Variants in TAF3 observed in about 807,000 individuals in gnomAD.
The protein encoded by TAF3 is transcription initiation factor TFIID subunit 3.
A neutral mutation model predicts 80.6 loss-of-function variants in TAF3; 7 were observed. The ratio of observed to expected loss-of-function variants is 0.09; its 90% CI spans 0.05 to 0.16. The LOEUF (loss-of-function observed/expected upper bound fraction) is 0.16, where lower values mean the gene tolerates loss of function less well. Ranked by LOEUF, TAF3 falls within the 10% of genes least tolerant of loss-of-function variation. The pLI, the probability that TAF3 is intolerant of heterozygous loss-of-function variation, is 1.00. For synonymous variants in TAF3, 444 were observed against 446.1 expected (o/e 1.00, Z 0.06); for missense variants, 921 against 1,140.2 (o/e 0.81, Z 2.77).
intron 2 of TAF3, among the ~76,000 whole-genome samples, chr10:7,893,708 G>A (rs1837479577): frequency 6.6e-6 from 1 of 152,024 alleles, no homozygotes; most frequent in African/African-American, 2.4e-5. Flanking sequence ...GCCTATCTGT[G>A]TATGCTCACC....
intron 2 of TAF3, among the ~76,000 whole-genome samples, chr10:7,879,637 C>T (rs982741340): frequency 3.9e-5 from 6 of 151,998 alleles, no homozygotes; most frequent in African/African-American, 1.2e-4. Context: ...ATAGAAATGA[C>T]GGGAGATGGT....
chr10:7,909,840 G>A (rs932549287), intron 2 of TAF3, among the ~76,000 whole-genome samples: 1 of 152,268 alleles, frequency 6.6e-6, no homozygotes, highest in Non-Finnish European at 1.5e-5. Context: ...CTACTCGCTG[G>A]TAGTGATGGT....
chr10:7,926,691 A>G (rs1057397395), intron 2 of TAF3, among the ~76,000 whole-genome samples: 3 of 152,154 alleles, frequency 2.0e-5, no homozygotes, highest in African/African-American at 7.2e-5. Flanking sequence ...AAATTTATCC[A>G]CTAATATGGT....
intron 4 of TAF3, among the ~76,000 whole-genome samples, chr10:7,989,347 A>G (rs1459007832): frequency 3.3e-5 from 5 of 152,238 alleles, no homozygotes. Flanking sequence ...TGCTGTGTAG[A>G]GACAGGCAAA....
chr10:7,972,398 G>C (rs1280845422), intron 3 of TAF3, among the ~76,000 whole-genome samples: 1 of 152,090 alleles, frequency 6.6e-6, no homozygotes, highest in Admixed American at 6.6e-5. Context: ...AATTTAACTT[G>C]TTTTTAGGAA....
intron 2 of TAF3, among the ~76,000 whole-genome samples, chr10:7,881,407 C>T (rs144775480): frequency 1.4e-4 from 21 of 151,922 alleles, no homozygotes; most frequent in East Asian, 9.7e-4. Flanking sequence ...CAGCAGTATA[C>T]GAAAACTTCA....
chr10:7,933,730 AAGGGGC>A (rs1837890752), intron 2 of TAF3, among the ~76,000 whole-genome samples: 1 of 152,206 alleles, frequency 6.6e-6, no homozygotes, highest in Admixed American at 6.5e-5. Context: ...TCAATTCTCA[AAGGGGC>A]AGGGAACAAA....
rs539455282 is a variant in TAF3, at chr10:8,004,313, G to A, written c.2316-4765G>A. Among the ~76,000 whole-genome samples the A allele has an allele frequency of 3.8e-3, 573 of 152,234 alleles. 2 individuals are homozygous for A. The highest frequency in any genetic ancestry group is 0.013 in the African/African-American group (539 of 41,540). Reference sequence around the variant, plus strand: ...TCCACCCACCTCGGCCTCCCAAAGTGCTGGGATTACGGGCATGAGCCAATG... The same window carrying A: ...TCCACCCACCTCGGCCTCCCAAAGTACTGGGATTACGGGCATGAGCCAATG... On this transcript the variant is annotated intron_variant, in intron 4 of 6. Coordinates refer to ENST00000344293, the MANE Select transcript of TAF3 (RefSeq NM_031923.4).
chr10:7,889,077 C>T (rs1203056430), intron 2 of TAF3, among the ~76,000 whole-genome samples: 1 of 152,196 alleles, frequency 6.6e-6, no homozygotes, highest in African/African-American at 2.4e-5. Flanking sequence ...CGAATCCACA[C>T]TTTCAGAACT....
At chr10:7,996,954 A>G (rs2131432039) in intron 4 of TAF3, among the ~76,000 whole-genome samples, 2 of 150,878 alleles carry the variant, frequency 1.3e-5, no homozygotes. Context: ...TCAGCCTCCC[A>G]AAGTGCTGGG....
chr10:7,872,133 A>G (rs1362530009), intron 2 of TAF3, among the ~76,000 whole-genome samples: 1 of 150,206 alleles, frequency 6.7e-6, no homozygotes, highest in Non-Finnish European at 1.5e-5. Flanking sequence ...ATTCTTTTCT[A>G]ATTTTTCTTT....
At chr10:7,874,505 A>G (rs889156163) in intron 2 of TAF3, among the ~76,000 whole-genome samples, 4 of 152,130 alleles carry the variant, frequency 2.6e-5, no homozygotes, top group Admixed American at 2.0e-4. Context: ...GATGGTGAGT[A>G]TTTCATTATT....
chr10:7,996,251 G>A (rs530858572), intron 4 of TAF3, among the ~76,000 whole-genome samples: 6 of 152,280 alleles, frequency 3.9e-5, no homozygotes, highest in East Asian at 3.9e-4. Context: ...TAGAGAAGCC[G>A]CTTCAAGCTC....
At chr10:7,862,955 A>AT (rs1588529122) in intron 2 of TAF3, among the ~76,000 whole-genome samples, 1 of 152,048 alleles carries the variant, frequency 6.6e-6, no homozygotes, top group Admixed American at 6.6e-5. Context: ...TGACATTGGG[A>AT]TTTTTTACTG....
At chr10:8,005,502 C>T (rs1001429143) in intron 4 of TAF3, among the ~76,000 whole-genome samples, 2 of 152,208 alleles carry the variant, frequency 1.3e-5, no homozygotes, top group African/African-American at 4.8e-5. Context: ...ATTGGGAATC[C>T]TTAGTGTCGG....
intron 2 of TAF3, among the ~76,000 whole-genome samples, chr10:7,882,024 C>T (rs1837366964): frequency 6.6e-6 from 1 of 152,238 alleles, no homozygotes; most frequent in Non-Finnish European, 1.5e-5. Flanking sequence ...CGATTGGGCA[C>T]CTACAGTGAG....
intron 2 of TAF3, among the ~76,000 whole-genome samples, chr10:7,871,301 G>A (rs1330979113): frequency 6.6e-6 from 1 of 151,930 alleles, no homozygotes; most frequent in Non-Finnish European, 1.5e-5. Flanking sequence ...TGTGTGCTAA[G>A]CATATATTAA....
At chr10:7,954,101 T>C (rs1368475948) in intron 2 of TAF3, among the ~76,000 whole-genome samples, 6 of 120,714 alleles carry the variant, frequency 5.0e-5, no homozygotes, top group East Asian at 2.9e-4. Flanking sequence ...TAGTGAGATT[T>C]AGAGTGCACT....
chr10:7,961,548 T>G (rs577982773), intron 2 of TAF3, among the ~76,000 whole-genome samples: 38 of 152,306 alleles, frequency 2.5e-4, no homozygotes, highest in Middle Eastern at 3.4e-3. Context: ...TTCTTCCTTT[T>G]CTTTTTATAT....
Sources: allele counts gnomAD v4.1 joint callset (sites outside exome capture counted in the v4.1 genomes callset), GRCh38; gene constraint gnomAD v4.1.1; transcripts MANE v1.5; gene names NCBI Gene and HGNC (gene_info 2026-07-23, HGNC 2026-07-21).